The following DLG2 variants were observed in gnomAD, a reference collection of about 807,000 sequenced individuals.
The protein encoded by DLG2 is disks large homolog 2.
Under a neutral mutation model 132.5 loss-of-function variants are expected in DLG2, and 45 were observed. The observed-to-expected ratio is 0.34, with a 90% CI of 0.27 to 0.44. DLG2 has a LOEUF of 0.44. Ranked by LOEUF, DLG2 falls within the 20% of genes least tolerant of loss-of-function variation. The pLI, the probability that DLG2 is intolerant of heterozygous loss-of-function variation, is 1.00. For synonymous variants in DLG2, 424 were observed against 419.6 expected (o/e 1.01, Z -0.13); for missense variants, 1,045 against 1,196.9 (o/e 0.87, Z 1.87).
intron 7 of DLG2, among the ~76,000 whole-genome samples, chr11:84,411,051 T>C (rs1192649070): frequency 1.3e-5 from 2 of 152,120 alleles, no homozygotes; most frequent in East Asian, 3.8e-4. Context: ...GCTCCATACA[T>C]CTAAACAAAC....
chr11:84,602,683 T>C (rs896194032), intron 6 of DLG2, among the ~76,000 whole-genome samples: 2 of 151,942 alleles, frequency 1.3e-5, no homozygotes, highest in South Asian at 2.1e-4. Context: ...GTGGGAGAAA[T>C]AGAGTGATCA....
intron 26 of DLG2, among the ~76,000 whole-genome samples, chr11:83,462,838 G>C (rs947056572): frequency 1.3e-5 from 2 of 151,962 alleles, no homozygotes; most frequent in African/African-American, 4.8e-5. Context: ...AAGGCTCAAG[G>C]ATAAATCAAG....
chr11:83,508,403 A>ATTTTTTTTTTT (rs746968613), intron 21 of DLG2, among the ~76,000 whole-genome samples: 8,546 of 79,690 alleles, frequency 0.11, 1,429 homozygotes, highest in African/African-American at 0.17. Flanking sequence ...CGCCTGGCTA[A>ATTTTTTTTTTT]TTTTTTTTTT....
intron 5 of DLG2, among the ~76,000 whole-genome samples, chr11:85,126,994 G>A (rs1014328327): frequency 6.6e-6 from 1 of 152,152 alleles, no homozygotes; most frequent in African/African-American, 2.4e-5. Flanking sequence ...ATAGGAGAGA[G>A]CTCAAATCAG....
Position 83,497,538 on chromosome 11 carries a change from AAC to A in DLG2, c.2194-13312_2194-13311del, listed in dbSNP as rs1491491235. ...CAACACAGAGAGACTTCGTCTCAAA[AAC>A]AAAAAACAAAAAACAAAAAACAAAA... On this transcript the variant is annotated intron_variant, in intron 21 of 27. Coordinates refer to ENST00000376104, the MANE Select transcript of DLG2 (RefSeq NM_001142699.3). Among the ~76,000 whole-genome samples, 250 of 77,410 alleles carry A rather than the reference AAC, an allele frequency of 3.2e-3. 2 individuals carry two copies. Among genetic ancestry groups the A allele is most frequent in the African/African-American group, 8.6e-3 (223 of 26,048 alleles). 50.8% of individuals were successfully genotyped at this position (77,410 alleles called of 152,430 possible). A position where few individuals can be genotyped will look rare whatever the true frequency, so the allele number is the denominator to read the frequency against.
At chr11:84,344,984 A>G (rs1183135839) in intron 7 of DLG2, among the ~76,000 whole-genome samples, 1 of 152,174 alleles carries the variant, frequency 6.6e-6, no homozygotes, top group Non-Finnish European at 1.5e-5. Context: ...TTGAAGCCTT[A>G]TTATATTACT....
At chr11:85,037,699 A>G (rs1198351490) in intron 6 of DLG2, among the ~76,000 whole-genome samples, 1 of 152,128 alleles carries the variant, frequency 6.6e-6, no homozygotes, top group Non-Finnish European at 1.5e-5. Flanking sequence ...TCTATTCCTT[A>G]CAAAAGCAGA....
At chr11:85,047,752 AG>A (rs976118579) in intron 6 of DLG2, among the ~76,000 whole-genome samples, 18 of 152,088 alleles carry the variant, frequency 1.2e-4, no homozygotes, top group African/African-American at 2.6e-4. Context: ...AAATTCAAGT[AG>A]GAAAAAAACT....
intron 4 of DLG2, among the ~76,000 whole-genome samples, chr11:85,265,503 C>A (rs957582733): frequency 1.3e-5 from 2 of 152,174 alleles, no homozygotes; most frequent in African/African-American, 2.4e-5. Context: ...CTGGCCCCCA[C>A]GACATACTGA....
chr11:85,073,617 G>T (rs2066152776), intron 6 of DLG2, among the ~76,000 whole-genome samples: 1 of 151,654 alleles, frequency 6.6e-6, no homozygotes, highest in Admixed American at 6.6e-5. Flanking sequence ...ACTACATTGT[G>T]ATATACAAGG....
In DLG2 at chr11:83,668,820, CATATATATGTGTATATAA is replaced by C. The variant is rs1361132827; in HGVS notation, c.1826-35513_1826-35496del. ...ACACACATATATATGTGTATATAAA[CATATATATGTGTATATAA>C]ACACACACACACATATATATATATA... On this transcript the variant is annotated intron_variant, in intron 18 of 27. Transcript: ENST00000376104. Among the ~76,000 whole-genome samples, 66 of 128,516 alleles carry C rather than the reference CATATATATGTGTATATAA, an allele frequency of 5.1e-4. 3 individuals carry two copies. Among genetic ancestry groups the C allele is most frequent in the African/African-American group, 1.0e-3 (33 of 32,322 alleles). 84.3% of individuals were successfully genotyped at this position (128,516 alleles called of 152,430 possible).
chr11:83,870,813 T>G (rs2063298404), intron 16 of DLG2, among the ~76,000 whole-genome samples: 1 of 152,200 alleles, frequency 6.6e-6, no homozygotes, highest in Admixed American at 6.5e-5. Flanking sequence ...CGGGTTTGGC[T>G]AGGCAGATCT....
At chr11:85,624,845 C>T (rs1003953192) in intron 2 of DLG2, among the ~76,000 whole-genome samples, 1 of 151,654 alleles carries the variant, frequency 6.6e-6, no homozygotes, top group South Asian at 2.1e-4. Flanking sequence ...TTAGTCAATT[C>T]ATTATTGAAG....
At chr11:84,760,931 C>T (rs540036734) in intron 6 of DLG2, among the ~76,000 whole-genome samples, 6 of 152,254 alleles carry the variant, frequency 3.9e-5, no homozygotes, top group South Asian at 4.2e-4. Flanking sequence ...CCATCCATCT[C>T]GCTGAGAGCC....
At chr11:84,030,013 T>A (rs552265376) in intron 11 of DLG2, among the ~76,000 whole-genome samples, 27 of 152,286 alleles carry the variant, frequency 1.8e-4, no homozygotes, top group African/African-American at 6.0e-4. Context: ...CATATATCTG[T>A]ATCTATATAT....
chr11:84,167,078 T>C (rs2095685810), intron 8 of DLG2: 4 of 506,946 alleles, frequency 7.9e-6, no homozygotes, highest in South Asian at 5.9e-5. Flanking sequence ...ACTAGAAAAA[T>C]CAGAGGATTG....
chr11:84,207,079 C>CTATA (rs553787844), intron 8 of DLG2, among the ~76,000 whole-genome samples: 6,050 of 99,216 alleles, frequency 0.061, 126 homozygotes, highest in South Asian at 0.095. Flanking sequence ...CTCTCTCTCT[C>CTATA]TCTATATATA....
intron 6 of DLG2, among the ~76,000 whole-genome samples, chr11:84,839,374 C>T (rs918509383): frequency 6.6e-6 from 1 of 152,104 alleles, no homozygotes; most frequent in Non-Finnish European, 1.5e-5. Context: ...ACATTCCATG[C>T]TCATGGATAG....
chr11:85,552,828 C>T (rs750700379), intron 3 of DLG2, among the ~76,000 whole-genome samples: 1 of 150,930 alleles, frequency 6.6e-6, no homozygotes, highest in Admixed American at 6.6e-5. Context: ...AATAGGAGTT[C>T]CAAGAGAGAA....
Sources: gnomAD v4.1 joint callset for allele counts (sites outside exome capture counted in the v4.1 genomes callset) on GRCh38, gnomAD v4.1.1 for gene constraint, MANE v1.5 for transcripts, NCBI Gene and HGNC (gene_info 2026-07-23, HGNC 2026-07-21) for gene names.